PLPPR2: variants seen among roughly 807,000 people sequenced by gnomAD.
PLPPR2 encodes phospholipid phosphatase related 2, also known as phospholipid phosphatase-related protein type 2.
PLPPR2 carries 11 observed loss-of-function variants against 40.3 expected under a neutral mutation model. That is an observed-to-expected ratio of 0.27 (90% CI 0.17 to 0.45). The LOEUF is 0.45. Ranked by LOEUF, PLPPR2 falls within the 20% of genes least tolerant of loss-of-function variation. The pLI is 1.00. For missense variants in PLPPR2, 497 were observed against 640.7 expected (o/e 0.78, Z 2.42); for synonymous variants, 260 against 290.8 (o/e 0.89, Z 1.08).
In PLPPR2 at chr19:11,363,684, C is replaced by T; in HGVS notation, c.841-29C>T. The T allele has an allele frequency of 6.3e-7, 1 of 1,597,040 alleles. No homozygotes were observed. The highest frequency in any genetic ancestry group is 8.6e-7 in the Non-Finnish European group (1 of 1,167,580). ...GGCTCCTATGTGACTTGCCCCAGGCCTCAACACTCTCCTCTCCCTCTATTC... is the reference window on the plus strand; with the variant it reads ...GGCTCCTATGTGACTTGCCCCAGGCTTCAACACTCTCCTCTCCCTCTATTC... On this transcript the variant is annotated intron_variant, in intron 7 of 9. Coordinates refer to ENST00000688289, the MANE Select transcript of PLPPR2 (RefSeq NM_001393892.1). The surrounding 1 kb of genome is among the most constrained non-coding windows in gnomAD (Gnocchi z 4.8).
Position 11,364,474 on chromosome 19 carries a change from G to T in PLPPR2, c.1143G>T (p.Leu381=). The T allele has an allele frequency of 6.6e-7, 1 of 1,517,230 alleles. No individual in the cohort carries two copies. Among genetic ancestry groups the T allele is most frequent in the East Asian group, 2.4e-5 (1 of 41,640 alleles). 94.0% of individuals were successfully genotyped at this position (1,517,230 alleles called of 1,614,324 possible). ...RLRSEPTPLP[L]PLPLPAPTPS... Reference sequence around the variant, plus strand: ...GGTCTGAGCCGACGCCCTTGCCCCTGCCCCTACCCCTGCCAGCGCCCACCC... The same window carrying T: ...GGTCTGAGCCGACGCCCTTGCCCCTTCCCCTACCCCTGCCAGCGCCCACCC... The change falls in exon 10 of 10, where the codon CTG becomes CTT. Residue 381 remains leucine, a synonymous_variant. Coordinates refer to ENST00000688289, the MANE Select transcript of PLPPR2 (RefSeq NM_001393892.1). This position sits in a 1 kb window ranked among gnomAD's most constrained non-coding sequence, Gnocchi z 5.8.
chr19:11,365,014 G>C lies in PLPPR2; in HGVS notation c.*324G>C, dbSNP rs577403618. ...AAAAGGAGTTGGCTCCAACCAATGG[G>C]AGCCTTCCCCTCACTTCTTAGAATC... is the stretch of plus-strand genomic sequence containing the variant. On this transcript the variant is annotated 3_prime_UTR_variant, in exon 10 of 10. Coordinates refer to ENST00000688289, the MANE Select transcript of PLPPR2 (RefSeq NM_001393892.1). The C allele has an allele frequency of 2.6e-5, 10 of 381,572 alleles. No homozygotes were observed. Among genetic ancestry groups the C allele is most frequent in the Admixed American group, 1.7e-4 (4 of 22,908 alleles). The allele number at this position is 381,572 out of a possible 1,614,324, so 23.6% of individuals were successfully genotyped here. A position where few individuals can be genotyped will look rare whatever the true frequency, so the allele number is the denominator to read the frequency against.
rs752971009 is a variant in PLPPR2 at position 11,359,297 on chromosome 19, CCT to C, written c.67-232_67-231del. Among the ~76,000 whole-genome samples the C allele has an allele frequency of 2.0e-4, 30 of 152,098 alleles. No homozygotes were observed. Among genetic ancestry groups the C allele is most frequent in the Non-Finnish European group, 3.5e-4 (24 of 68,016 alleles). On this transcript the variant is annotated intron_variant, in intron 3 of 9. Transcript: ENST00000688289. The surrounding 1 kb of genome is among the most constrained non-coding windows in gnomAD (Gnocchi z 5.6). Reference sequence around the variant, plus strand: ...CAGGCACGAGCCGCTGCACACGGCCCCTCTGTTTCTGTCTCCTTCTCCTTCTG... The same window carrying C: ...CAGGCACGAGCCGCTGCACACGGCCCCTGTTTCTGTCTCCTTCTCCTTCTG...
At position 11,363,809 on chromosome 19, in the gene PLPPR2, C is replaced by T; in HGVS notation, c.937C>T (p.Pro313Ser). The T allele has an allele frequency of 6.2e-7, 1 of 1,614,112 alleles. No individual in the cohort carries two copies. The highest frequency in any genetic ancestry group is 8.5e-7 in the Non-Finnish European group (1 of 1,180,004). The change falls in exon 8 of 10, where the codon CCC becomes TCC. Residue 313 changes from proline to serine, a missense_variant. Physicochemically the swap from Pro to Ser is moderately conservative, Grantham distance 74 (BLOSUM62 -1). Coordinates refer to ENST00000688289, the MANE Select transcript of PLPPR2 (RefSeq NM_001393892.1). This position sits in a 1 kb window ranked among gnomAD's most constrained non-coding sequence, Gnocchi z 4.8. ...GGGCCAAGCCCCCACCATGGATAGC[C>T]CCCTCGAAAAGTTAAGTGTGGCGCA... Reference protein sequence around the residue: ...DLGQAPTMDSPLEKLSVAQEP... With the variant: ...DLGQAPTMDSSLEKLSVAQEP...
Position 11,363,531 on chromosome 19 carries a change from GATAA to G in PLPPR2, c.841-177_841-174del, listed in dbSNP as rs1175432099. ...CTTTAGCCTAGTGTGGGGTCTGTGG[GATAA>G]ATAATAATTGCACCTACCTCAGTAA... On this transcript the variant is annotated intron_variant, in intron 7 of 9. Coordinates refer to ENST00000688289, the MANE Select transcript of PLPPR2 (RefSeq NM_001393892.1). This position sits in a 1 kb window ranked among gnomAD's most constrained non-coding sequence, Gnocchi z 4.8. 1.6e-4 allele frequency among the ~76,000 whole-genome samples: 24 copies of G among 152,296 alleles called. No individual in the cohort carries two copies. The highest frequency in any genetic ancestry group is 5.5e-4 in the African/African-American group (23 of 41,570).
Position 11,362,774 on chromosome 19 carries a change from G to C in PLPPR2, c.840+85G>C. ...AGGCAGGACCACATGATGGAGAAGG[G>C]TGTGGACTCTGTGTGACCTTGGGCC... On this transcript the variant is annotated intron_variant, in intron 7 of 9. Transcript: ENST00000688289. The surrounding 1 kb of genome is among the most constrained non-coding windows in gnomAD (Gnocchi z 5.3). The C allele has an allele frequency of 6.9e-7, 1 of 1,453,904 alleles. No individual in the cohort carries two copies. The highest frequency in any genetic ancestry group is 9.3e-7 in the Non-Finnish European group (1 of 1,073,096). 90.1% of individuals were successfully genotyped at this position (1,453,904 alleles called of 1,614,324 possible).
chr19:11,355,713 A>C (rs913822143), intron 1 of PLPPR2, 141 bp downstream of exon 1: 3 of 77,148 alleles, frequency 3.9e-5, no homozygotes, highest in Non-Finnish European at 8.8e-5. Context: ...GAGCTGGGGG[A>C]GGGGACCGGG....
At position 11,357,718 on chromosome 19, in the gene PLPPR2, C is replaced by A. The variant is rs757253273; in HGVS notation, c.45C>A (p.Ile15=). 1 of 1,606,476 alleles carries A rather than the reference C, an allele frequency of 6.2e-7. No homozygotes were observed. Among genetic ancestry groups the A allele is most frequent in the Non-Finnish European group, 8.5e-7 (1 of 1,176,028 alleles). The change falls in exon 3 of 10, where the codon ATC becomes ATA. Residue 15 remains isoleucine (I), a synonymous_variant. Transcript: ENST00000688289. Reference sequence around the variant, plus strand: ...ATCTGAAGAGGAGTTTCTCCATCATCCCCTGCTTTGTCTTCGTGGAGGTGA... The same window carrying A: ...ATCTGAAGAGGAGTTTCTCCATCATACCCTGCTTTGTCTTCGTGGAGGTGA... ...RPHLKRSFSI[I]PCFVFVESVL... is the part of the protein sequence containing the mutation.
At position 11,364,079 on chromosome 19, in the gene PLPPR2, C is replaced by T. The variant is rs1968123495; in HGVS notation, c.964-82C>T. 4 of 1,514,564 alleles carry T rather than the reference C, an allele frequency of 2.6e-6. No individual in the cohort carries two copies. In the East Asian group the frequency reaches 6.8e-5, roughly 26 times the overall value. The allele number at this position is 1,514,564 out of a possible 1,614,324, so 93.8% of individuals were successfully genotyped here. On this transcript the variant is annotated intron_variant, in intron 8 of 9. Coordinates refer to ENST00000688289, the MANE Select transcript of PLPPR2 (RefSeq NM_001393892.1). The surrounding 1 kb of genome is among the most constrained non-coding windows in gnomAD (Gnocchi z 5.8). The stretch of plus-strand genomic sequence containing the variant: ...CTGTGGTTGTCTTTTCCATGGGGCT[C>T]TTCACCTGATGAGCTCCTTGTGGCT...
intron 2 of PLPPR2, among the ~76,000 whole-genome samples, chr19:11,357,253 G>T (rs920911754): frequency 1.3e-5 from 2 of 152,100 alleles, no homozygotes; most frequent in African/African-American, 4.8e-5. Context: ...AGGGATGGGG[G>T]CCCCTTGGGA....
chr19:11,359,855 C>A lies in PLPPR2; in HGVS notation c.290C>A (p.Pro97His), dbSNP rs776104432. The A allele has an allele frequency of 6.2e-7, 1 of 1,613,648 alleles. No homozygotes were observed. The change falls in exon 5 of 10, where the codon CCT becomes CAT. Residue 97 changes from proline (P) to histidine (H), a missense_variant. By Grantham distance (77) the Pro-to-His change is moderately conservative. Coordinates refer to ENST00000688289, the MANE Select transcript of PLPPR2 (RefSeq NM_001393892.1). The surrounding 1 kb of genome is among the most constrained non-coding windows in gnomAD (Gnocchi z 5.6). ...LLGELARAFF[P>H]APPSAVPVIG... ...GGAGAGCTGGCGCGTGCCTTTTTCC[C>A]TGCACCACCTTCAGCCGTCCCAGTC...
At chr19:11,355,812 C>G (rs1160503225) in intron 1 of PLPPR2, among the ~76,000 whole-genome samples, 2 of 151,950 alleles carry the variant, frequency 1.3e-5, no homozygotes, top group African/African-American at 4.8e-5. Context: ...CATTGTGTGT[C>G]TGTGTGTGGT....
Position 11,357,702 on chromosome 19 carries a change from G to C in PLPPR2, c.29G>C (p.Arg10Thr). The change falls in exon 3 of 10, where the codon AGG (arginine) becomes ACG (threonine). Residue 10 changes from arginine (R) to threonine (T), a missense_variant. Transcript: ENST00000688289. The part of the protein sequence containing the change: MAGGRPHLK[R>T]SFSIIPCFVF... ...GCGGGAGGGAGACCGCATCTGAAGAGGAGTTTCTCCATCATCCCCTGCTTT... is the reference window on the plus strand; with the variant it reads ...GCGGGAGGGAGACCGCATCTGAAGACGAGTTTCTCCATCATCCCCTGCTTT... 6.2e-7 allele frequency: 1 copy of C among 1,607,936 alleles called. No homozygotes were observed. Among genetic ancestry groups the C allele is most frequent in the Non-Finnish European group, 8.5e-7 (1 of 1,176,840 alleles).
In PLPPR2 at chr19:11,362,335, C is replaced by G; in HGVS notation, c.664-178C>G. On this transcript the variant is annotated intron_variant, in intron 6 of 9. Coordinates refer to ENST00000688289, the MANE Select transcript of PLPPR2 (RefSeq NM_001393892.1). This position sits in a 1 kb window ranked among gnomAD's most constrained non-coding sequence, Gnocchi z 5.3. Reference sequence around the variant, plus strand: ...CAATCCCTGACCCCCCCCCCTTTGCCTTTTTGGTCACGCTCCCTGGAAAAG... The same window carrying G: ...CAATCCCTGACCCCCCCCCCTTTGCGTTTTTGGTCACGCTCCCTGGAAAAG... 2.2e-6 allele frequency: 1 copy of G among 462,114 alleles called. No individual in the cohort carries two copies. The highest frequency in any genetic ancestry group is 4.3e-5 in the East Asian group (1 of 23,456). 28.6% of individuals were successfully genotyped at this position (462,114 alleles called of 1,614,324 possible). A position where few individuals can be genotyped will look rare whatever the true frequency, so the allele number is the denominator to read the frequency against.
chr19:11,358,521 T>C (rs1373860441), intron 3 of PLPPR2, among the ~76,000 whole-genome samples: 1 of 152,130 alleles, frequency 6.6e-6, no homozygotes, highest in Non-Finnish European at 1.5e-5. Context: ...TGTCTGTCTC[T>C]CATTTGAGCC....
chr19:11,360,101 G>A (rs1237865006), intron 5 of PLPPR2, 145 bp downstream of exon 5: 2 of 1,183,958 alleles, frequency 1.7e-6, no homozygotes, highest in Admixed American at 3.2e-5. Context: ...GGGAGGCCAA[G>A]TGGGCGATCA....
At position 11,363,595 on chromosome 19, in the gene PLPPR2, T is replaced by G; in HGVS notation, c.841-118T>G. On this transcript the variant is annotated intron_variant, in intron 7 of 9. Coordinates refer to ENST00000688289, the MANE Select transcript of PLPPR2 (RefSeq NM_001393892.1). The surrounding 1 kb of genome is among the most constrained non-coding windows in gnomAD (Gnocchi z 4.8). The stretch of plus-strand genomic sequence containing the variant: ...AACAGTGCCTGGCACATACTATGCA[T>G]TAGCTGTTTTTGAAAACCGGAGCCT... 2 of 1,186,584 alleles carry G rather than the reference T, an allele frequency of 1.7e-6. No individual in the cohort carries two copies. Among genetic ancestry groups the G allele is most frequent in the Non-Finnish European group, 1.1e-6 (1 of 870,508 alleles). 73.5% of individuals were successfully genotyped at this position (1,186,584 alleles called of 1,614,324 possible).
chr19:11,357,767 A>G, intron 3 of PLPPR2, 28 bp downstream of exon 3: 3 of 1,566,090 alleles, frequency 1.9e-6, no homozygotes, highest in Non-Finnish European at 2.6e-6. Context: ...TCTCCCAGAG[A>G]CGGCGTGCCT....
intron 3 of PLPPR2, among the ~76,000 whole-genome samples, chr19:11,358,045 G>A (rs771000012): frequency 0.073 from 5,589 of 76,644 alleles, 131 homozygotes; most frequent in African/African-American, 0.12. Context: ...GTGTGTGTGT[G>A]TGTGTGTGTG....
Sources: allele counts gnomAD v4.1 joint callset (sites outside exome capture counted in the v4.1 genomes callset), GRCh38; gene constraint gnomAD v4.1.1; non-coding constraint Gnocchi (gnomAD v3.1); transcripts MANE v1.5; gene names NCBI Gene and HGNC (gene_info 2026-07-23, HGNC 2026-07-21).